PRPF8: variants seen among roughly 807,000 people sequenced by gnomAD.
PRPF8 encodes pre-mRNA processing factor 8.
PRPF8 carries 64 observed loss-of-function variants against 285.9 expected under a neutral mutation model. That is an observed-to-expected ratio of 0.22 (90% confidence interval 0.18 to 0.28). The LOEUF (loss-of-function observed/expected upper bound fraction) is 0.28. Among genes scored for constraint, PRPF8 ranks in the 10% least tolerant of loss-of-function variants. The pLI is 1.00. For missense variants in PRPF8, 1,426 were observed against 3,026.7 expected (o/e 0.47, Z 12.41); for synonymous variants, 1,325 against 1,118.2 (o/e 1.18, Z -3.69).
In PRPF8 at chr17:1,660,788, C is replaced by T. The variant is rs1385022741; in HGVS notation, c.4548G>A (p.Lys1516=). Residue 1516 remains lysine (K), a synonymous_variant, in exon 29 of 43, where the codon AAG becomes AAA. Coordinates refer to ENST00000304992, the MANE Select transcript of PRPF8 (RefSeq NM_006445.4). ...ASGFEESMKW[K]KLTNAQRSGL... Reference sequence around the variant, plus strand: ...CTGATCGCTGAGCATTAGTTAGCTTCTTCCACTTCATAGATTCCTCAAAGC... The same window carrying T: ...CTGATCGCTGAGCATTAGTTAGCTTTTTCCACTTCATAGATTCCTCAAAGC... The T allele has an allele frequency of 6.2e-7, 1 of 1,613,830 alleles. No homozygotes were observed. Among genetic ancestry groups the T allele is most frequent in the Non-Finnish European group, 8.5e-7 (1 of 1,180,036 alleles).
chr17:1,662,992 A>G (rs748673571), intron 24 of PRPF8, among the ~76,000 whole-genome samples: 3 of 152,228 alleles, frequency 2.0e-5, no homozygotes, highest in Non-Finnish European at 4.4e-5. Context: ...GTTCAAAGCA[A>G]AAAGAGTAAC....
chr17:1,679,908 C>T lies in PRPF8; in HGVS notation c.1099-109G>A. On this transcript the variant is annotated intron_variant, in intron 8 of 42. Coordinates refer to ENST00000304992, the MANE Select transcript of PRPF8 (RefSeq NM_006445.4). The surrounding 1 kb of genome is among the most constrained non-coding windows in gnomAD (Gnocchi z 4.7). ...ACAAAGCCTGTATCTGCTATGGAAACTGGGCTGTCTGACAAAAGCAGCCCT... is the reference window on the plus strand; with the variant it reads ...ACAAAGCCTGTATCTGCTATGGAAATTGGGCTGTCTGACAAAAGCAGCCCT... The T allele has an allele frequency of 7.5e-7, 1 of 1,326,968 alleles. No individual in the cohort carries two copies. Among genetic ancestry groups the T allele is most frequent in the East Asian group, 2.3e-5 (1 of 43,470 alleles). The allele number at this position is 1,326,968 out of a possible 1,614,324, so 82.2% of individuals were successfully genotyped here.
intron 2 of PRPF8, 76 bp from the exon 3 acceptor site, chr17:1,683,777 C>T (rs1913070076): frequency 6.4e-7 from 1 of 1,561,452 alleles, no homozygotes; most frequent in Non-Finnish European, 8.7e-7. Context: ...AGGGTAAGCT[C>T]CTGTCAGTGA....
In PRPF8 at chr17:1,660,115, G is replaced by T. The variant is rs114095682; in HGVS notation, c.4786-114C>A. On this transcript the variant is annotated intron_variant, in intron 30 of 42. Coordinates refer to ENST00000304992, the MANE Select transcript of PRPF8 (RefSeq NM_006445.4). ...TCTCATCCTCAGAGCTTCCAGGGTGGATTTCCCATATGCAAAAGAGCAAGC... is the reference window on the plus strand; with the variant it reads ...TCTCATCCTCAGAGCTTCCAGGGTGTATTTCCCATATGCAAAAGAGCAAGC... 5,978 of 1,294,316 alleles carry T rather than the reference G, an allele frequency of 4.6e-3. 215 individuals are homozygous for T. The African/African-American group carries it at 0.075, about 16-fold the overall frequency. The allele number at this position is 1,294,316 out of a possible 1,614,324, so 80.2% of individuals were successfully genotyped here.
chr17:1,674,802 G>A, intron 20 of PRPF8, 122 bp from the exon 21 acceptor site: 1 of 1,049,354 alleles, frequency 9.5e-7, no homozygotes, highest in Non-Finnish European at 1.5e-6. Flanking sequence ...GCGGAGTTGT[G>A]CTCAGTCACC....
chr17:1,664,340 A>G (rs1327321008), intron 24 of PRPF8, among the ~76,000 whole-genome samples: 1 of 152,238 alleles, frequency 6.6e-6, no homozygotes, highest in Non-Finnish European at 1.5e-5. Context: ...AGTAATCGAT[A>G]GAAGTATACA....
At position 1,651,848 on chromosome 17, in the gene PRPF8, G is replaced by C; in HGVS notation, c.6370-60C>G. The stretch of plus-strand genomic sequence containing the variant: ...TTAGTACCAGGTCAGAGTTGGAGCT[G>C]CCAGCCCTCTGTTTCCTTCCTTCCC... On this transcript the variant is annotated intron_variant, in intron 39 of 42. Transcript: ENST00000304992. The surrounding 1 kb of genome is among the most constrained non-coding windows in gnomAD (Gnocchi z 5.1). 2 of 1,582,340 alleles carry C rather than the reference G, an allele frequency of 1.3e-6. No individual in the cohort carries two copies. The highest frequency in any genetic ancestry group is 1.7e-6 in the Non-Finnish European group (2 of 1,153,058).
rs1567678426 is a variant in PRPF8, at chr17:1,658,847, G to A, written c.5139-84C>T. The A allele has an allele frequency of 2.5e-6, 3 of 1,216,922 alleles. No homozygotes were observed. Among genetic ancestry groups the A allele is most frequent in the Admixed American group, 1.7e-5 (1 of 58,156 alleles). 75.4% of individuals were successfully genotyped at this position (1,216,922 alleles called of 1,614,324 possible). A position where few individuals can be genotyped will look rare whatever the true frequency, so the allele number is the denominator to read the frequency against. On this transcript the variant is annotated intron_variant, in intron 32 of 42. Coordinates refer to ENST00000304992, the MANE Select transcript of PRPF8 (RefSeq NM_006445.4). The surrounding 1 kb of genome is among the most constrained non-coding windows in gnomAD (Gnocchi z 4.1). ...ACAAGCTGCCAACTCTACAGAGGAAGAAAGACTGTTCGCCAGGCTGACAAC... is the reference window on the plus strand; with the variant it reads ...ACAAGCTGCCAACTCTACAGAGGAAAAAAGACTGTTCGCCAGGCTGACAAC...
chr17:1,656,929 A>G (rs1413049375), intron 34 of PRPF8, among the ~76,000 whole-genome samples, 168 bp from the exon 35 acceptor site: 5 of 152,216 alleles, frequency 3.3e-5, no homozygotes, highest in Non-Finnish European at 5.9e-5. Context: ...GTGTCCAATG[A>G]CCAGGCTGAC....
chr17:1,657,957 C>T (rs959898837), intron 34 of PRPF8, among the ~76,000 whole-genome samples: 2 of 136,548 alleles, frequency 1.5e-5, no homozygotes, highest in East Asian at 2.1e-4. Context: ...GGCCACACAG[C>T]GAGACTCCGG....
chr17:1,656,097 A>AT (rs1243089085), intron 36 of PRPF8, among the ~76,000 whole-genome samples: 2 of 150,586 alleles, frequency 1.3e-5, no homozygotes, highest in Non-Finnish European at 2.9e-5. Flanking sequence ...ATTTTGTTGT[A>AT]TTTTTAGTAG....
chr17:1,675,367 CA>C lies in PRPF8; in HGVS notation c.2873-29del, dbSNP rs1912556238. The C allele has an allele frequency of 6.2e-7, 1 of 1,613,306 alleles. No homozygotes were observed. The highest frequency in any genetic ancestry group is 1.7e-5 in the Admixed American group (1 of 59,980). On this transcript the variant is annotated intron_variant, in intron 19 of 42. Coordinates refer to ENST00000304992, the MANE Select transcript of PRPF8 (RefSeq NM_006445.4). This position sits in a 1 kb window ranked among gnomAD's most constrained non-coding sequence, Gnocchi z 6.0. ...GAGGAGTAGCAAGGCAGGTCTCCAGCAGGTTAGAAATCCTCTTGCAAGACTA... is the reference window on the plus strand; with the variant it reads ...GAGGAGTAGCAAGGCAGGTCTCCAGCGGTTAGAAATCCTCTTGCAAGACTA...
intron 13 of PRPF8, 104 bp from the exon 14 acceptor site, chr17:1,677,798 G>A: frequency 4.2e-6 from 6 of 1,440,760 alleles, no homozygotes; most frequent in Middle Eastern, 2.1e-4. Flanking sequence ...TACATACAGA[G>A]GAATGTAGGT....
intron 34 of PRPF8, among the ~76,000 whole-genome samples, chr17:1,657,249 A>G (rs746721874): frequency 8.5e-5 from 13 of 152,220 alleles, no homozygotes; most frequent in Non-Finnish European, 1.5e-4. Context: ...CTGGACAGAT[A>G]CAGCCCAGCC....
chr17:1,669,264 G>A (rs538632281), intron 24 of PRPF8, among the ~76,000 whole-genome samples: 3 of 152,154 alleles, frequency 2.0e-5, no homozygotes, highest in African/African-American at 4.8e-5. Context: ...CCGCCACCGC[G>A]CCTGGCTAAT....
intron 39 of PRPF8, chr17:1,652,951 T>A (rs532522234): frequency 6.0e-6 from 1 of 167,362 alleles, no homozygotes; most frequent in Non-Finnish European, 1.3e-5. Flanking sequence ...TTTTGTTTTT[T>A]TAGACGGGGT....
At position 1,651,339 on chromosome 17, in the gene PRPF8, G is replaced by A. The variant is rs1346015982; in HGVS notation, c.6651-29C>T. 1.2e-6 allele frequency: 2 copies of A among 1,613,930 alleles called. No individual in the cohort carries two copies. Among genetic ancestry groups the A allele is most frequent in the Non-Finnish European group, 1.7e-6 (2 of 1,179,890 alleles). ...GGGGAGGAACGAGGACAGAGTAACA[G>A]CTCAGGCCACTGTTCTGGGCCCTGG... On this transcript the variant is annotated intron_variant, in intron 41 of 42. Transcript: ENST00000304992. This position sits in a 1 kb window ranked among gnomAD's most constrained non-coding sequence, Gnocchi z 5.1.
intron 14 of PRPF8, 27 bp from the exon 15 acceptor site, chr17:1,677,199 T>C (rs1567689277): frequency 6.2e-7 from 1 of 1,605,872 alleles, no homozygotes. Flanking sequence ...CCAAGGGGAT[T>C]ACAAGGAAGA....
rs73289314 is a variant in PRPF8 at position 1,651,342 on chromosome 17, C to T, written c.6651-32G>A. ...GAGGAACGAGGACAGAGTAACAGCT[C>T]AGGCCACTGTTCTGGGCCCTGGCCT... is the stretch of plus-strand genomic sequence containing the variant. On this transcript the variant is annotated intron_variant, in intron 41 of 42. Coordinates refer to ENST00000304992, the MANE Select transcript of PRPF8 (RefSeq NM_006445.4). The surrounding 1 kb of genome is among the most constrained non-coding windows in gnomAD (Gnocchi z 5.1). 55,379 of 1,613,894 alleles carry T rather than the reference C, an allele frequency of 0.034. 2,571 individuals are homozygous for T. Among genetic ancestry groups the T allele is most frequent in the African/African-American group, 0.21 (15,661 of 74,940 alleles).
Sources: gnomAD v4.1 joint callset for allele counts (sites outside exome capture counted in the v4.1 genomes callset) on GRCh38, gnomAD v4.1.1 for gene constraint, Gnocchi (gnomAD v3.1) non-coding constraint, MANE v1.5 for transcripts, NCBI Gene and HGNC (gene_info 2026-07-23, HGNC 2026-07-21) for gene names.